The following PPM1K variants were observed in gnomAD, a reference collection of about 807,000 sequenced individuals.
PPM1K encodes the protein protein phosphatase Mn(2+)-dependent 1K.
In PPM1K, 19 loss-of-function variants were observed where a neutral mutation model predicts 32.6. The ratio of observed to expected loss-of-function variants is 0.58; its 90% CI spans 0.41 to 0.86. PPM1K has a LOEUF of 0.86. Among genes scored for constraint, PPM1K ranks in the 40% least tolerant of loss-of-function variants. The pLI, the probability that PPM1K is intolerant of heterozygous loss-of-function variation, is 0.00. For missense variants in PPM1K, 362 were observed against 461.2 expected, an observed-to-expected ratio of 0.78 and a Z score of 1.97; for synonymous variants, 159 against 165.3, an observed-to-expected ratio of 0.96 and a Z score of 0.29.
chr4:88,263,501 C>G (rs540450982), intron 6 of PPM1K, among the ~76,000 whole-genome samples: 3 of 152,180 alleles, frequency 2.0e-5, no homozygotes, highest in Admixed American at 6.5e-5. Context: ...TGCAGTGGCA[C>G]GATCTCGGCT....
chr4:88,264,852 T>C, intron 6 of PPM1K, 149 bp downstream of exon 6: 1 of 825,638 alleles, frequency 1.2e-6, no homozygotes, highest in East Asian at 2.8e-5. Flanking sequence ...TATTAAAATT[T>C]TAACTTGGGG....
rs367799357 is a variant in PPM1K, at chr4:88,278,429, G to C, written c.155C>G (p.Pro52Arg). 5.6e-6 allele frequency: 9 copies of C among 1,614,086 alleles called. No homozygotes were observed. In the African/African-American group the frequency reaches 1.1e-4, roughly 19 times the overall value. Residue 52 changes from proline (P) to arginine (R), a missense_variant, in exon 2 of 7, where the codon CCA (proline) becomes CGA (arginine). Physicochemically the swap from Pro to Arg is moderately radical, Grantham distance 103. Transcript: ENST00000608933. This position sits in a 1 kb window ranked among gnomAD's most constrained non-coding sequence, Gnocchi z 4.2. ...GGTAGCTGGACTCCCACTACCATCT[G>C]GGTCAAACCGAGAACACCTAGGCTC... is the stretch of plus-strand genomic sequence containing the variant. ...TSEPRCSRFD[P>R]DGSGSPATWD...
chr4:88,262,998 C>T (rs1204408208), intron 6 of PPM1K, among the ~76,000 whole-genome samples: 1 of 152,170 alleles, frequency 6.6e-6, no homozygotes, highest in Non-Finnish European at 1.5e-5. Flanking sequence ...AACAGAAACA[C>T]CAGTGGACTA....
chr4:88,266,341 G>A lies in PPM1K; in HGVS notation c.853-1206C>T, dbSNP rs191743426. On this transcript the variant is annotated intron_variant, in intron 5 of 6. Coordinates refer to ENST00000608933, the MANE Select transcript of PPM1K (RefSeq NM_152542.5). ...TAGAGGTGGGCGATTATTTGGCTTGGTGGAAAAGGGAAGTTGGGGCAGCTT... is the reference window on the plus strand; with the variant it reads ...TAGAGGTGGGCGATTATTTGGCTTGATGGAAAAGGGAAGTTGGGGCAGCTT... Among the ~76,000 whole-genome samples, 644 of 152,374 alleles carry A rather than the reference G, an allele frequency of 4.2e-3. 1 individual carries two copies. The highest frequency in any genetic ancestry group is 8.5e-3 in the South Asian group (41 of 4,828).
At chr4:88,262,878 T>C (rs1166399854) in intron 6 of PPM1K, 152 bp from the exon 7 acceptor site, 1 of 777,920 alleles carries the variant, frequency 1.3e-6, no homozygotes, top group Non-Finnish European at 1.9e-6. Flanking sequence ...TCACAATGGT[T>C]TGTGATTTTC....
chr4:88,280,242 C>T (rs1731955337), intron 1 of PPM1K, among the ~76,000 whole-genome samples: 1 of 152,104 alleles, frequency 6.6e-6, no homozygotes, highest in Admixed American at 6.5e-5. Context: ...AGACTGGCCT[C>T]AATCTTTAGA....
In PPM1K at chr4:88,278,094, G is replaced by A. The variant is rs961908662; in HGVS notation, c.440+50C>T. 6.7e-7 allele frequency: 1 copy of A among 1,495,274 alleles called. No homozygotes were observed. Among genetic ancestry groups the A allele is most frequent in the South Asian group, 1.2e-5 (1 of 80,346 alleles). The allele number at this position is 1,495,274 out of a possible 1,614,324, so 92.6% of individuals were successfully genotyped here. On this transcript the variant is annotated intron_variant, in intron 2 of 6. Transcript: ENST00000608933. The surrounding 1 kb of genome is among the most constrained non-coding windows in gnomAD (Gnocchi z 4.2). Reference sequence around the variant, plus strand: ...CCTCAGCCAAAGGGTGAAAGTTTAAGTAGGAAGTATAGGAACTGCAAAGTC... The same window carrying A: ...CCTCAGCCAAAGGGTGAAAGTTTAAATAGGAAGTATAGGAACTGCAAAGTC...
At chr4:88,283,029 A>G (rs982506302) in intron 1 of PPM1K, among the ~76,000 whole-genome samples, 3 of 152,180 alleles carry the variant, frequency 2.0e-5, no homozygotes, top group African/African-American at 7.2e-5. Flanking sequence ...TATTGTAACT[A>G]AGGTATTTTA....
At position 88,265,176 on chromosome 4, in the gene PPM1K, C is replaced by A. The variant is rs751665338; in HGVS notation, c.853-41G>T. Reference sequence around the variant, plus strand: ...AATGCCTATGATTATAAGCTAGACTCTGCCTTAGCACAATCTCGCTAATTC... The same window carrying A: ...AATGCCTATGATTATAAGCTAGACTATGCCTTAGCACAATCTCGCTAATTC... On this transcript the variant is annotated intron_variant, in intron 5 of 6. Transcript: ENST00000608933. The A allele has an allele frequency of 4.3e-6, 7 of 1,611,720 alleles. No individual in the cohort carries two copies. The Admixed American group carries it at 1.0e-4, about 23-fold the overall frequency.
At chr4:88,270,332 A>C (rs1175264944) in intron 3 of PPM1K, among the ~76,000 whole-genome samples, 1 of 152,232 alleles carries the variant, frequency 6.6e-6, no homozygotes, top group African/African-American at 2.4e-5. Flanking sequence ...CTTGAGAAAT[A>C]ACATTTATAG....
intron 3 of PPM1K, among the ~76,000 whole-genome samples, chr4:88,272,986 A>G (rs4235084): frequency 0.12 from 18,689 of 152,204 alleles, 2,046 homozygotes; most frequent in East Asian, 0.3. Context: ...CGCTGAACTC[A>G]CACATGCCGG....
In PPM1K at chr4:88,277,179, T is replaced by C; in HGVS notation, c.505A>G (p.Lys169Glu). The C allele has an allele frequency of 6.2e-7, 1 of 1,614,118 alleles. No individual in the cohort carries two copies. Among genetic ancestry groups the C allele is most frequent in the Non-Finnish European group, 8.5e-7 (1 of 1,179,962 alleles). The change falls in exon 3 of 7, where the codon AAA becomes GAA. Residue 169 changes from lysine (K) to glutamate (E), a missense_variant. Coordinates refer to ENST00000608933, the MANE Select transcript of PPM1K (RefSeq NM_152542.5). Reference protein sequence around the residue: ...LLTLAFLEIDKAFSSHARLSA... With the variant: ...LLTLAFLEIDEAFSSHARLSA... ...AGGCGGGCATGACTCGAAAAGGCTT[T>C]ATCTATTTCTAGAAAAGCCAAGGTC...
chr4:88,276,028 G>T (rs1731753268), intron 3 of PPM1K: 1 of 985,200 alleles, frequency 1.0e-6, no homozygotes, highest in African/African-American at 1.7e-5. Context: ...TGATAGTAAG[G>T]TTCTCAAAAA....
At position 88,278,640 on chromosome 4, in the gene PPM1K, T is replaced by G; in HGVS notation, c.-57A>C. ...AAAGGTCAATGGAACAATAATGGAA[T>G]GTCTTCAAGAAAAATGATGCAAGTC... On this transcript the variant is annotated splice_region_variant and 5_prime_UTR_variant, in exon 2 of 7. Coordinates refer to ENST00000608933, the MANE Select transcript of PPM1K (RefSeq NM_152542.5). This position sits in a 1 kb window ranked among gnomAD's most constrained non-coding sequence, Gnocchi z 4.2. 1 of 1,399,060 alleles carries G rather than the reference T, an allele frequency of 7.1e-7. No individual in the cohort carries two copies. The highest frequency in any genetic ancestry group is 9.8e-7 in the Non-Finnish European group (1 of 1,023,894). The allele number at this position is 1,399,060 out of a possible 1,614,324, so 86.7% of individuals were successfully genotyped here. A position where few individuals can be genotyped will look rare whatever the true frequency, so the allele number is the denominator to read the frequency against.
intron 3 of PPM1K, among the ~76,000 whole-genome samples, chr4:88,269,554 C>T (rs899977882): frequency 1.2e-4 from 19 of 152,250 alleles, no homozygotes; most frequent in South Asian, 1.2e-3. Flanking sequence ...CCTCCCTAGA[C>T]GTGAAACAAA....
Position 88,278,827 on chromosome 4 carries a change from G to A in PPM1K, c.-59-185C>T, listed in dbSNP as rs1731898516. 1 of 459,760 alleles carries A rather than the reference G, an allele frequency of 2.2e-6. No homozygotes were observed. Among genetic ancestry groups the A allele is most frequent in the African/African-American group, 2.0e-5 (1 of 50,764 alleles). The allele number at this position is 459,760 out of a possible 1,614,324, so 28.5% of individuals were successfully genotyped here. On this transcript the variant is annotated intron_variant, in intron 1 of 6. Transcript: ENST00000608933. This position sits in a 1 kb window ranked among gnomAD's most constrained non-coding sequence, Gnocchi z 4.2. ...AATACATATATTTATGTTATATATT[G>A]GGTAGGCATCCAGTAGCCTGCTTCT...
intron 3 of PPM1K, among the ~76,000 whole-genome samples, chr4:88,273,492 C>T (rs558705326): frequency 2.1e-4 from 32 of 152,228 alleles, no homozygotes; most frequent in African/African-American, 7.5e-4. Flanking sequence ...ACCAGCCTGA[C>T]CAACATGGCA....
rs1163789180 is a variant in PPM1K, at chr4:88,260,569, T to A, written c.*2026A>T. The A allele has an allele frequency of 6.6e-6, 1 of 152,108 alleles. No homozygotes were observed. Among genetic ancestry groups the A allele is most frequent in the Non-Finnish European group, 1.5e-5 (1 of 68,012 alleles). The allele number at this position is 152,108 out of a possible 1,614,324, so 9.4% of individuals were successfully genotyped here. A position where few individuals can be genotyped will look rare whatever the true frequency, so the allele number is the denominator to read the frequency against. On this transcript the variant is annotated 3_prime_UTR_variant, in exon 7 of 7. Coordinates refer to ENST00000608933, the MANE Select transcript of PPM1K (RefSeq NM_152542.5). ...ACAGTCTTTCCTGTGATGTTTTTCC[T>A]TCTTTCACCTAACTTCCCTTGAAAA...
intron 3 of PPM1K, among the ~76,000 whole-genome samples, chr4:88,273,956 T>C (rs1451080345): frequency 6.6e-6 from 1 of 152,178 alleles, no homozygotes; most frequent in Non-Finnish European, 1.5e-5. Flanking sequence ...AATCAGACAC[T>C]GCCTCCTCAA....
Sources: allele counts gnomAD v4.1 joint callset (sites outside exome capture counted in the v4.1 genomes callset), GRCh38; gene constraint gnomAD v4.1.1; non-coding constraint Gnocchi (gnomAD v3.1); transcripts MANE v1.5; gene names NCBI Gene and HGNC (gene_info 2026-07-23, HGNC 2026-07-21).